IL1RAPL2: variants seen among roughly 807,000 people sequenced by gnomAD.
The protein encoded by IL1RAPL2 is X-linked interleukin-1 receptor accessory protein-like 2.
IL1RAPL2 carries 3 observed loss-of-function variants against 44.1 expected under a neutral mutation model. That is an observed-to-expected ratio of 0.07 (90% CI 0.03 to 0.18). The LOEUF (loss-of-function observed/expected upper bound fraction) is 0.18, where lower values mean the gene tolerates loss of function less well. IL1RAPL2 is among the 10% of genes least tolerant of loss of function. The pLI, the probability that IL1RAPL2 is intolerant of heterozygous loss-of-function variation, is 1.00. For missense variants in IL1RAPL2, 391 were observed against 496.4 expected, an observed-to-expected ratio of 0.79 and a Z score of 2.02; for synonymous variants, 181 against 178.8, an observed-to-expected ratio of 1.01 and a Z score of -0.10.
chrX:105,439,528 A>C (rs2035905694), intron 5 of IL1RAPL2, among the ~76,000 whole-genome samples: 1 of 110,331 alleles, frequency 9.1e-6, no homozygotes. Flanking sequence ...AAAAAAAAAA[A>C]AAAAAAAAAA....
intron 1 of IL1RAPL2, among the ~76,000 whole-genome samples, chrX:104,617,286 C>A (rs769051917): frequency 3.9e-4 from 44 of 111,907 alleles, no homozygotes; most frequent in African/African-American, 1.4e-3. Flanking sequence ...TCTTCTCTAG[C>A]CATCTTTAAG....
chrX:105,520,767 G>C (rs1332741389), intron 6 of IL1RAPL2, among the ~76,000 whole-genome samples: 1 of 110,545 alleles, frequency 9.0e-6, no homozygotes, highest in Admixed American at 9.7e-5. Flanking sequence ...GCTGTGATAC[G>C]TGGCTTGCTA....
At chrX:104,607,158 A>C (rs1309625018) in intron 1 of IL1RAPL2, among the ~76,000 whole-genome samples, 1 of 112,190 alleles carries the variant, frequency 8.9e-6, no homozygotes, top group Non-Finnish European at 1.9e-5. Context: ...CTATTTAATA[A>C]ATGGTGTTGG....
intron 1 of IL1RAPL2, among the ~76,000 whole-genome samples, chrX:104,658,317 G>T (rs1023978148): frequency 8.9e-6 from 1 of 111,863 alleles, no homozygotes; most frequent in African/African-American, 3.2e-5. Context: ...CCTTTGTAGG[G>T]ACATGGATGA....
chrX:105,191,945 A>G (rs1023058298), intron 2 of IL1RAPL2, among the ~76,000 whole-genome samples: 1 of 111,697 alleles, frequency 9.0e-6, no homozygotes, highest in Admixed American at 9.5e-5. Flanking sequence ...TATCTAGTCA[A>G]CAGTCTTCTC....
At chrX:105,040,728 T>TC (rs1256311645) in intron 2 of IL1RAPL2, among the ~76,000 whole-genome samples, 2 of 110,242 alleles carry the variant, frequency 1.8e-5, no homozygotes, top group African/African-American at 3.4e-5. Context: ...AGTGGTGATA[T>TC]CCCCTTTATC....
intron 5 of IL1RAPL2, among the ~76,000 whole-genome samples, chrX:105,288,240 G>A (rs918361905): frequency 9.0e-6 from 1 of 110,593 alleles, no homozygotes; most frequent in African/African-American, 3.3e-5. Flanking sequence ...ATGGCTGAGA[G>A]TGGAGACAAT....
intron 2 of IL1RAPL2, among the ~76,000 whole-genome samples, chrX:104,706,691 G>C (rs970614425): frequency 8.9e-6 from 1 of 112,063 alleles, no homozygotes; most frequent in Non-Finnish European, 1.9e-5. Context: ...AATTAACAAG[G>C]CTTGCCTTTA....
intron 1 of IL1RAPL2, among the ~76,000 whole-genome samples, chrX:104,584,659 C>A (rs774408568): frequency 9.0e-6 from 1 of 110,771 alleles, no homozygotes; most frequent in Non-Finnish European, 1.9e-5. Context: ...TTTGGTGAAC[C>A]CATGAAGCTA....
At chrX:105,379,023 A>G (rs949906432) in intron 5 of IL1RAPL2, among the ~76,000 whole-genome samples, 4 of 111,720 alleles carry the variant, frequency 3.6e-5, no homozygotes, top group Non-Finnish European at 5.7e-5. Context: ...TTAGAGCCAA[A>G]GTCCTGGATT....
intron 6 of IL1RAPL2, among the ~76,000 whole-genome samples, chrX:105,626,371 A>T (rs1175953627): frequency 9.0e-6 from 1 of 110,928 alleles, no homozygotes; most frequent in African/African-American, 3.3e-5. Context: ...TTTTGAAGTA[A>T]ATCTATTATC....
At chrX:105,101,403 G>A (rs1040169993) in intron 2 of IL1RAPL2, among the ~76,000 whole-genome samples, 1 of 111,780 alleles carries the variant, frequency 8.9e-6, no homozygotes, top group Non-Finnish European at 1.9e-5. Flanking sequence ...CATCTTTATG[G>A]GGAAGGATGC....
chrX:104,979,692 A>G (rs1395763531), intron 2 of IL1RAPL2, among the ~76,000 whole-genome samples: 1 of 112,219 alleles, frequency 8.9e-6, no homozygotes, highest in Non-Finnish European at 1.9e-5. Flanking sequence ...GCAAATAGTA[A>G]ATTTTGATAT....
intron 5 of IL1RAPL2, among the ~76,000 whole-genome samples, chrX:105,329,585 A>G (rs938027220): frequency 1.1e-4 from 12 of 111,938 alleles, no homozygotes; most frequent in African/African-American, 3.6e-4. Flanking sequence ...AACAGGTGGG[A>G]TAAAAACTTT....
intron 6 of IL1RAPL2, among the ~76,000 whole-genome samples, chrX:105,596,782 T>G (rs776259308): frequency 1.8e-5 from 2 of 111,880 alleles, no homozygotes; most frequent in South Asian, 7.4e-4. Flanking sequence ...ATTAATGAAC[T>G]GGACCCTTAT....
intron 2 of IL1RAPL2, among the ~76,000 whole-genome samples, chrX:104,808,902 G>A (rs1399898049): frequency 9.0e-6 from 1 of 111,648 alleles, no homozygotes; most frequent in Non-Finnish European, 1.9e-5. Context: ...AGCATCAAGA[G>A]TGGTCTACCT....
At chrX:105,694,296 G>C in intron 6 of IL1RAPL2, among the ~76,000 whole-genome samples, 1 of 111,933 alleles carries the variant, frequency 8.9e-6, no homozygotes, top group African/African-American at 3.2e-5. Context: ...GGGGCAATTA[G>C]AGTAACGCAG....
intron 2 of IL1RAPL2, among the ~76,000 whole-genome samples, chrX:104,713,137 T>C (rs1301755218): frequency 9.1e-6 from 1 of 110,462 alleles, no homozygotes; most frequent in East Asian, 2.8e-4. Flanking sequence ...CCCTGGGATA[T>C]CTTTAATTAG....
chrX:105,350,915 TAAAC>T (rs1180217320), intron 5 of IL1RAPL2, among the ~76,000 whole-genome samples: 4 of 110,905 alleles, frequency 3.6e-5, no homozygotes, highest in Non-Finnish European at 7.6e-5. Flanking sequence ...ACAAAGAACT[TAAAC>T]AAATTTAAAT....
Sources: gnomAD v4.1 joint callset for allele counts (sites outside exome capture counted in the v4.1 genomes callset) on GRCh38, gnomAD v4.1.1 for gene constraint, MANE v1.5 for transcripts, NCBI Gene and HGNC (gene_info 2026-07-23, HGNC 2026-07-21) for gene names.